NXN: variants seen among roughly 807,000 people sequenced by gnomAD.
NXN encodes the protein nucleoredoxin, also known as nucleoredoxin 1.
NXN carries 16 observed loss-of-function variants against 48.6 expected under a neutral mutation model. That is an observed-to-expected ratio of 0.33 (90% confidence interval 0.22 to 0.50). The LOEUF (loss-of-function observed/expected upper bound fraction) is 0.50, where lower values mean the gene tolerates loss of function less well. Among genes scored for constraint, NXN ranks in the 20% least tolerant of loss-of-function variants. The pLI, the probability that NXN is intolerant of heterozygous loss-of-function variation, is 0.98. For missense variants in NXN, 492 were observed against 605.5 expected (o/e 0.81, Z 1.97); for synonymous variants, 281 against 269.6 (o/e 1.04, Z -0.41).
chr17:870,684 G>A (rs541685673), intron 1 of NXN, among the ~76,000 whole-genome samples: 15 of 152,024 alleles, frequency 9.9e-5, no homozygotes, highest in African/African-American at 3.6e-4. Context: ...AAGCCTGGAA[G>A]GCGGAGGTGC....
intron 1 of NXN, among the ~76,000 whole-genome samples, chr17:975,422 C>T (rs2069447073): frequency 1.3e-5 from 2 of 152,174 alleles, no homozygotes; most frequent in African/African-American, 4.8e-5. Context: ...CCTGTCCCAC[C>T]CATAGGGCCA....
intron 1 of NXN, among the ~76,000 whole-genome samples, chr17:881,514 G>A (rs375863527): frequency 1.1e-4 from 17 of 152,130 alleles, no homozygotes; most frequent in African/African-American, 3.1e-4. Context: ...GGCGTGAGCC[G>A]CCATGCCTGG....
chr17:979,519 C>A lies in NXN; in HGVS notation c.160G>T (p.Ala54Ser). Residue 54 changes from alanine (A) to serine (S), a missense_variant, in exon 1 of 8, where the codon GCC becomes TCC. By Grantham distance (99) the Ala-to-Ser change is moderately conservative (BLOSUM62 1). Coordinates refer to ENST00000336868, the MANE Select transcript of NXN (RefSeq NM_022463.5). The stretch of plus-strand genomic sequence containing the variant: ...CCCCGCAGGCGCCCGTAGAAGGCGG[C>A]CAGGCTGGCGCTGAGCTGCGCGCAG... The part of the protein sequence containing the change: ...APCAQLSASL[A>S]AFYGRLRGDA... 7.9e-7 allele frequency: 1 copy of A among 1,264,900 alleles called. No homozygotes were observed. The highest frequency in any genetic ancestry group is 1.0e-6 in the Non-Finnish European group (1 of 1,000,070). 78.4% of individuals were successfully genotyped at this position (1,264,900 alleles called of 1,614,324 possible). A position where few individuals can be genotyped will look rare whatever the true frequency, so the allele number is the denominator to read the frequency against.
intron 1 of NXN, among the ~76,000 whole-genome samples, chr17:927,797 T>C (rs926396879): frequency 9.2e-5 from 14 of 151,884 alleles, no homozygotes; most frequent in African/African-American, 3.1e-4. Flanking sequence ...GAGGGAGAAG[T>C]GAAGCCCATT....
intron 1 of NXN, among the ~76,000 whole-genome samples, chr17:889,922 C>T (rs2068397693): frequency 1.3e-5 from 2 of 152,222 alleles, no homozygotes; most frequent in South Asian, 4.2e-4. Flanking sequence ...CCCTTCGCTC[C>T]CCCAACCTGC....
chr17:869,979 G>C (rs1249181960), intron 1 of NXN, among the ~76,000 whole-genome samples: 2 of 152,186 alleles, frequency 1.3e-5, no homozygotes, highest in Non-Finnish European at 2.9e-5. Flanking sequence ...TTTCAACCGG[G>C]GGGTGGTTGT....
intron 1 of NXN, among the ~76,000 whole-genome samples, chr17:950,022 G>A (rs146572834): frequency 1.3e-5 from 2 of 152,254 alleles, no homozygotes; most frequent in East Asian, 3.9e-4. Context: ...ACAGCCTGAT[G>A]CTTAAGAAAT....
intron 1 of NXN, among the ~76,000 whole-genome samples, chr17:946,294 G>A (rs1353528444): frequency 6.6e-6 from 1 of 151,984 alleles, no homozygotes; most frequent in Non-Finnish European, 1.5e-5. Flanking sequence ...TCAGCCTCCT[G>A]AGTAGCTGGG....
intron 1 of NXN, among the ~76,000 whole-genome samples, chr17:944,603 T>TG (rs1417816151): frequency 1.6e-4 from 25 of 152,192 alleles, no homozygotes; most frequent in Non-Finnish European, 2.9e-4. Context: ...CTCTCATCTC[T>TG]GGCAAATCAT....
chr17:899,763 G>A (rs895385700), intron 1 of NXN, among the ~76,000 whole-genome samples: 35 of 152,230 alleles, frequency 2.3e-4, no homozygotes, highest in African/African-American at 5.5e-4. Context: ...GGTGGTGCAC[G>A]CCTGTAGTCC....
chr17:868,713 C>T (rs866827583), intron 1 of NXN, among the ~76,000 whole-genome samples: 1 of 152,070 alleles, frequency 6.6e-6, no homozygotes, highest in Non-Finnish European at 1.5e-5. Flanking sequence ...AGGATGGTCT[C>T]GATTTCCTGA....
chr17:905,976 C>CA (rs71145792), intron 1 of NXN, among the ~76,000 whole-genome samples: 45,668 of 118,324 alleles, frequency 0.39, 7,780 homozygotes, highest in Middle Eastern at 0.48. Flanking sequence ...GACCTTGTCT[C>CA]AAAAAAAAAA....
intron 1 of NXN, among the ~76,000 whole-genome samples, chr17:923,446 A>G (rs566322013): frequency 6.6e-6 from 1 of 152,166 alleles, no homozygotes; most frequent in Non-Finnish European, 1.5e-5. Context: ...TTGCTTGAGC[A>G]AGTCTAGGCT....
chr17:852,544 C>G (rs915075918), intron 1 of NXN, among the ~76,000 whole-genome samples: 1 of 152,216 alleles, frequency 6.6e-6, no homozygotes, highest in African/African-American at 2.4e-5. Flanking sequence ...GAAAACCCAA[C>G]ACTTCCTTTC....
chr17:877,647 A>G (rs1277271580), intron 1 of NXN, among the ~76,000 whole-genome samples: 2 of 152,208 alleles, frequency 1.3e-5, no homozygotes. Context: ...CTACTGGCAC[A>G]TAGAGGAAAT....
rs1338109046 is a variant in NXN, at chr17:917,305, C to T, written c.360+62014G>A. Reference sequence around the variant, plus strand: ...TACAGGCGCCCGCCACCATGCCCAGCTAATTTTTTGTATTTTTAGTAGAGA... The same window carrying T: ...TACAGGCGCCCGCCACCATGCCCAGTTAATTTTTTGTATTTTTAGTAGAGA... On this transcript the variant is annotated intron_variant, in intron 1 of 7. Transcript: ENST00000336868. The surrounding 1 kb of genome is among the most constrained non-coding windows in gnomAD (Gnocchi z 4.5). Among the ~76,000 whole-genome samples, 4 of 152,186 alleles carry T rather than the reference C, an allele frequency of 2.6e-5. No homozygotes were observed. Among genetic ancestry groups the T allele is most frequent in the Non-Finnish European group, 5.9e-5 (4 of 68,046 alleles).
chr17:879,712 G>A (rs3826524), intron 1 of NXN, among the ~76,000 whole-genome samples: 107,789 of 152,094 alleles, frequency 0.71, 41,414 homozygotes, highest in Middle Eastern at 0.86. Flanking sequence ...GGGGTTTGGC[G>A]GGCGTCACCT....
intron 1 of NXN, among the ~76,000 whole-genome samples, chr17:927,269 T>A (rs2068809779): frequency 8.3e-6 from 1 of 120,528 alleles, no homozygotes. Context: ...CGACAGAGAC[T>A]CCATCTCAAA....
At chr17:807,742 GA>G (rs1911650563) in intron 5 of NXN, among the ~76,000 whole-genome samples, 1 of 152,254 alleles carries the variant, frequency 6.6e-6, no homozygotes, top group South Asian at 2.1e-4. Flanking sequence ...CTGCACGGGG[GA>G]AAGCACCCAT....
Sources: allele counts gnomAD v4.1 joint callset (sites outside exome capture counted in the v4.1 genomes callset), GRCh38; gene constraint gnomAD v4.1.1; non-coding constraint Gnocchi (gnomAD v3.1); transcripts MANE v1.5; gene names NCBI Gene and HGNC (gene_info 2026-07-23, HGNC 2026-07-21).